The following NFIB variants were observed in gnomAD, a reference collection of about 807,000 sequenced individuals.
NFIB encodes the protein nuclear factor I B.
NFIB carries 11 observed loss-of-function variants against 61.5 expected under a neutral mutation model. That is an observed-to-expected ratio of 0.18 (90% CI 0.11 to 0.30). NFIB has a LOEUF of 0.30. Among genes scored for constraint, NFIB ranks in the 10% least tolerant of loss-of-function variants. The pLI, the probability that NFIB is intolerant of heterozygous loss-of-function variation, is 1.00. For missense variants in NFIB, 471 were observed against 608.9 expected (o/e 0.77, Z 2.38); for synonymous variants, 260 against 216.5 (o/e 1.20, Z -1.76).
chr9:14,244,449 T>A lies in NFIB; in HGVS notation c.562+62540A>T, dbSNP rs10961447. Among the ~76,000 whole-genome samples, 1,436 of 152,260 alleles carry A rather than the reference T, an allele frequency of 9.4e-3. 31 individuals are homozygous for A. Among genetic ancestry groups the A allele is most frequent in the African/African-American group, 0.032 (1,336 of 41,542 alleles). On this transcript the variant is annotated intron_variant, in intron 2 of 10. Coordinates refer to ENST00000380953, the MANE Select transcript of NFIB (RefSeq NM_001190737.2). ...TCAAAATGAATGAAACTTACCCACATACTTTCTCATCCATGTAAGCAGGAA... is the reference window on the plus strand; with the variant it reads ...TCAAAATGAATGAAACTTACCCACAAACTTTCTCATCCATGTAAGCAGGAA...
chr9:14,511,675 C>T, the NFIB span, among the ~76,000 whole-genome samples: 6 of 152,172 alleles, frequency 3.9e-5, no homozygotes, highest in Non-Finnish European at 8.8e-5. Flanking sequence ...CACTATGACA[C>T]ACTGCTTTTC....
the NFIB span, among the ~76,000 whole-genome samples, chr9:14,473,247 G>A: frequency 6.6e-6 from 1 of 152,182 alleles, no homozygotes; most frequent in East Asian, 1.9e-4. Flanking sequence ...TATAGTAAAT[G>A]TTATACATAC....
In NFIB at chr9:14,082,293, C is replaced by A. The variant is rs2032070706; in HGVS notation, c.*6016G>T. On this transcript the variant is annotated 3_prime_UTR_variant, in exon 11 of 11. Transcript: ENST00000380953. ...TGCCAAAAGTTTTAAAATGGATCAA[C>A]CCTGGTGTGTAGCTAGCAAGCAATA... is the stretch of plus-strand genomic sequence containing the variant. The A allele has an allele frequency of 1.5e-5, 3 of 205,172 alleles. No homozygotes were observed. The highest frequency in any genetic ancestry group is 1.2e-4 in the Admixed American group (2 of 16,754). The allele number at this position is 205,172 out of a possible 1,614,324, so 12.7% of individuals were successfully genotyped here.
intron 2 of NFIB, among the ~76,000 whole-genome samples, chr9:14,186,107 T>C (rs2047308629): frequency 6.6e-6 from 1 of 152,232 alleles, no homozygotes; most frequent in Non-Finnish European, 1.5e-5. Context: ...AATTTTAATT[T>C]ATAATGAGTT....
chr9:14,089,139 T>G (rs1420475133), intron 10 of NFIB, among the ~76,000 whole-genome samples: 1 of 152,080 alleles, frequency 6.6e-6, no homozygotes, highest in Non-Finnish European at 1.5e-5. Context: ...GAGCCACAGC[T>G]TTTCCTTCCA....
intron 3 of NFIB, among the ~76,000 whole-genome samples, chr9:14,177,357 T>C (rs920151665): frequency 6.6e-6 from 1 of 151,492 alleles, no homozygotes; most frequent in Non-Finnish European, 1.5e-5. Context: ...TAATAAGTTC[T>C]AGTTGTTCAC....
At chr9:14,189,840 C>G (rs1441962633) in intron 2 of NFIB, among the ~76,000 whole-genome samples, 1 of 151,062 alleles carries the variant, frequency 6.6e-6, no homozygotes, top group East Asian at 1.9e-4. Flanking sequence ...TGACTGGTAG[C>G]AGTTAAAACA....
the NFIB span, among the ~76,000 whole-genome samples, chr9:14,519,473 ACTG>A: frequency 6.6e-6 from 1 of 152,192 alleles, no homozygotes; most frequent in African/African-American, 2.4e-5. Flanking sequence ...CACTGACTTA[ACTG>A]CTAAGAATCA....
At chr9:14,134,913 A>AAAAAAAAAAAGAAAAAAAAAG (rs1011872669) in intron 6 of NFIB, among the ~76,000 whole-genome samples, 3 of 133,320 alleles carry the variant, frequency 2.3e-5, no homozygotes, top group Non-Finnish European at 3.3e-5. Flanking sequence ...AAAAAAAAAA[A>AAAAAAAAAAAGAAAAAAAAAG]AAAAAAAGGA....
At chr9:14,473,346 A>G in the NFIB span, among the ~76,000 whole-genome samples, 1 of 152,260 alleles carries the variant, frequency 6.6e-6, no homozygotes, top group Non-Finnish European at 1.5e-5. Context: ...ACTAGAACAA[A>G]AAGTATTCTT....
chr9:14,433,690 T>G, the NFIB span, among the ~76,000 whole-genome samples: 1 of 152,170 alleles, frequency 6.6e-6, no homozygotes, highest in Admixed American at 6.5e-5. Flanking sequence ...AATAATTACA[T>G]GCCCACTACA....
intron 2 of NFIB, among the ~76,000 whole-genome samples, chr9:14,196,556 C>G (rs1441529619): frequency 6.6e-6 from 1 of 152,048 alleles, no homozygotes; most frequent in African/African-American, 2.4e-5. Context: ...CCTTTAATCA[C>G]AAATCAAACA....
chr9:14,275,383 G>A (rs73645036), intron 2 of NFIB, among the ~76,000 whole-genome samples: 7 of 151,986 alleles, frequency 4.6e-5, no homozygotes, highest in African/African-American at 9.7e-5. Flanking sequence ...TGGGATTTTC[G>A]TAACCATCAA....
the NFIB span, among the ~76,000 whole-genome samples, chr9:14,436,003 G>T: frequency 3.3e-5 from 5 of 152,230 alleles, no homozygotes; most frequent in Admixed American, 6.5e-5. Context: ...GCAAATCTTA[G>T]TGGCTTGGAA....
chr9:14,421,359 T>C, the NFIB span, among the ~76,000 whole-genome samples: 6 of 152,218 alleles, frequency 3.9e-5, no homozygotes, highest in Admixed American at 1.3e-4. Context: ...CTTTGGGGCA[T>C]GGTAGAGAAA....
chr9:14,233,959 A>G (rs1587814881), intron 2 of NFIB, among the ~76,000 whole-genome samples: 1 of 152,310 alleles, frequency 6.6e-6, no homozygotes, highest in East Asian at 1.9e-4. Context: ...CATCTTACTT[A>G]TAGATGCTTT....
the NFIB span, among the ~76,000 whole-genome samples, chr9:14,479,954 A>C: frequency 6.6e-6 from 1 of 152,140 alleles, no homozygotes; most frequent in Non-Finnish European, 1.5e-5. Flanking sequence ...GTTGGAAAAA[A>C]AGAAAGAAGA....
intron 10 of NFIB, among the ~76,000 whole-genome samples, chr9:14,100,601 G>A (rs541897219): frequency 6.6e-6 from 1 of 152,104 alleles, no homozygotes; most frequent in Admixed American, 6.5e-5. Context: ...TCCCAGCTAC[G>A]GAGGGGGCTG....
intron 2 of NFIB, among the ~76,000 whole-genome samples, chr9:14,185,751 T>C (rs1263118195): frequency 6.6e-6 from 1 of 152,164 alleles, no homozygotes; most frequent in Non-Finnish European, 1.5e-5. Flanking sequence ...ATAAATTTCT[T>C]GTGGCAAGCC....
Sources: gnomAD v4.1 joint callset for allele counts (sites outside exome capture counted in the v4.1 genomes callset) on GRCh38, gnomAD v4.1.1 for gene constraint, MANE v1.5 for transcripts, NCBI Gene and HGNC (gene_info 2026-07-23, HGNC 2026-07-21) for gene names.